RYR2: variants seen among roughly 807,000 people sequenced by gnomAD.
RYR2 encodes ryanodine receptor 2.
Under a neutral mutation model 601.1 loss-of-function variants are expected in RYR2, and 227 were observed. The observed-to-expected ratio is 0.38, with a 90% confidence interval of 0.34 to 0.42. The LOEUF (loss-of-function observed/expected upper bound fraction) is 0.42. Among genes scored for constraint, RYR2 ranks in the 10% least tolerant of loss-of-function variants. The pLI is 1.00. For missense variants in RYR2, 4,646 were observed against 6,156.5 expected (o/e 0.75, Z 8.21); for synonymous variants, 2,223 against 2,175.1 (o/e 1.02, Z -0.61).
At chr1:237,698,843 A>G in intron 63 of RYR2, 122 bp from the exon 64 acceptor site, 1 of 564,314 alleles carries the variant, frequency 1.8e-6, no homozygotes, top group Non-Finnish European at 3.1e-6. Context: ...TGATTATTAA[A>G]AAACCTTTTA....
chr1:237,469,125 C>G lies in RYR2; in HGVS notation c.1646C>G (p.Ala549Gly). ...ATTAGAGGAAATCGTAAAAACTGTG[C>G]TCAATTTTCTGGCTCCCTCGACTGG... is the stretch of plus-strand genomic sequence containing the variant. ...ALIRGNRKNC[A>G]QFSGSLDWLI... is the part of the protein sequence containing the mutation. The change falls in exon 17 of 105, where the codon GCT becomes GGT. Residue 549 changes from alanine (A) to glycine (G), a missense_variant. Ala to Gly is a moderately conservative substitution (Grantham distance 60). Coordinates refer to ENST00000366574, the MANE Select transcript of RYR2 (RefSeq NM_001035.3). 1 of 1,613,272 alleles carries G rather than the reference C, an allele frequency of 6.2e-7. No individual in the cohort carries two copies. Among genetic ancestry groups the G allele is most frequent in the Non-Finnish European group, 8.5e-7 (1 of 1,179,488 alleles).
intron 15 of RYR2, among the ~76,000 whole-genome samples, chr1:237,455,804 C>A (rs558719192): frequency 6.6e-6 from 1 of 152,140 alleles, no homozygotes; most frequent in Non-Finnish European, 1.5e-5. Flanking sequence ...CCAATAATAA[C>A]GTGGACTAGT....
intron 73 of RYR2, among the ~76,000 whole-genome samples, chr1:237,721,264 A>C (rs111581542): frequency 0.018 from 2,674 of 152,322 alleles, 30 homozygotes; most frequent in South Asian, 0.042. Flanking sequence ...CAGACTTAAA[A>C]AGTAAACGGA....
At chr1:237,660,309 T>A (rs1039663531) in intron 55 of RYR2, among the ~76,000 whole-genome samples, 2 of 152,128 alleles carry the variant, frequency 1.3e-5, no homozygotes, top group South Asian at 4.1e-4. Context: ...TTTCTTTTCC[T>A]TTTTGGTTTT....
At chr1:237,739,214 C>T (rs1446402257) in intron 79 of RYR2, among the ~76,000 whole-genome samples, 1 of 152,182 alleles carries the variant, frequency 6.6e-6, no homozygotes, top group Non-Finnish European at 1.5e-5. Flanking sequence ...TTTGAAAAAT[C>T]ATTTTACATC....
chr1:237,614,908 C>T lies in RYR2; in HGVS notation c.5715+65C>T, dbSNP rs1000894655. On this transcript the variant is annotated intron_variant, in intron 37 of 104. Transcript: ENST00000366574. This position sits in a 1 kb window ranked among gnomAD's most constrained non-coding sequence, Gnocchi z 4.3. ...TAAGCATTAAGGTATTAGAACATGCCTTTGTTTCTTTCTCTGTGTGTGTGT... is the reference window on the plus strand; with the variant it reads ...TAAGCATTAAGGTATTAGAACATGCTTTTGTTTCTTTCTCTGTGTGTGTGT... The T allele has an allele frequency of 1.4e-6, 2 of 1,434,994 alleles. No homozygotes were observed. Among genetic ancestry groups the T allele is most frequent in the Non-Finnish European group, 1.9e-6 (2 of 1,071,284 alleles). The allele number at this position is 1,434,994 out of a possible 1,614,324, so 88.9% of individuals were successfully genotyped here.
chr1:237,576,681 TTCCTTAAAGGAAGCAGA>T (rs1244244051), intron 29 of RYR2, among the ~76,000 whole-genome samples: 1 of 152,104 alleles, frequency 6.6e-6, no homozygotes, highest in Non-Finnish European at 1.5e-5. Context: ...AATGTTCTGC[TTCCTTAAAGGAAGCAGA>T]AAAACAGTCA....
At chr1:237,522,107 C>T (rs1198533927) in intron 24 of RYR2, among the ~76,000 whole-genome samples, 1 of 152,062 alleles carries the variant, frequency 6.6e-6, no homozygotes, top group East Asian at 1.9e-4. Flanking sequence ...TCTCCTAATG[C>T]TATCCCTCCC....
intron 34 of RYR2, among the ~76,000 whole-genome samples, chr1:237,597,005 C>T (rs1675964018): frequency 6.6e-6 from 1 of 152,132 alleles, no homozygotes; most frequent in Non-Finnish European, 1.5e-5. Context: ...ATGCGTAAGG[C>T]AGTGCTAAAG....
At chr1:237,771,448 CAT>C (rs1358250984) in intron 85 of RYR2, among the ~76,000 whole-genome samples, 1 of 151,540 alleles carries the variant, frequency 6.6e-6, no homozygotes, top group Non-Finnish European at 1.5e-5. Context: ...TTATGAAAAA[CAT>C]ATAAATAGTT....
At chr1:237,608,796 G>GTTTTTTTTTTT (rs33945891) in intron 35 of RYR2, among the ~76,000 whole-genome samples, 1 of 119,222 alleles carries the variant, frequency 8.4e-6, no homozygotes, top group Non-Finnish European at 1.7e-5. Context: ...AGACTGACCT[G>GTTTTTTTTTTT]TTTTTTTTTT....
intron 79 of RYR2, among the ~76,000 whole-genome samples, chr1:237,735,037 G>A (rs1691019498): frequency 6.6e-6 from 1 of 152,126 alleles, no homozygotes; most frequent in African/African-American, 2.4e-5. Flanking sequence ...TAAAAAAGTT[G>A]GAGAGAACCT....
intron 58 of RYR2, among the ~76,000 whole-genome samples, chr1:237,669,850 G>A (rs539825668): frequency 4.6e-5 from 7 of 151,968 alleles, no homozygotes; most frequent in South Asian, 2.1e-4. Context: ...GATGATGGGC[G>A]GCCAGGCAGA....
At chr1:237,262,639 A>G (rs930199506) in intron 1 of RYR2, among the ~76,000 whole-genome samples, 1 of 152,228 alleles carries the variant, frequency 6.6e-6, no homozygotes, top group Non-Finnish European at 1.5e-5. Flanking sequence ...ACAGTTGTCT[A>G]AAATGGATAA....
intron 58 of RYR2, among the ~76,000 whole-genome samples, chr1:237,668,516 A>G (rs1200537184): frequency 6.6e-6 from 1 of 152,200 alleles, no homozygotes; most frequent in Non-Finnish European, 1.5e-5. Flanking sequence ...TAGTCTATAC[A>G]CATATTGTTT....
intron 27 of RYR2, among the ~76,000 whole-genome samples, chr1:237,554,051 A>G (rs1399203642): frequency 6.6e-6 from 1 of 151,918 alleles, no homozygotes; most frequent in Non-Finnish European, 1.5e-5. Context: ...ACTATTGAAT[A>G]GAAATGGTAA....
intron 27 of RYR2, among the ~76,000 whole-genome samples, chr1:237,562,428 A>G (rs1438793600): frequency 6.6e-6 from 1 of 152,100 alleles, no homozygotes; most frequent in Non-Finnish European, 1.5e-5. Context: ...AGTGGCATAT[A>G]TTTTCTTAGC....
At chr1:237,783,132 A>T (rs572564218) in intron 89 of RYR2, among the ~76,000 whole-genome samples, 47 of 152,292 alleles carry the variant, frequency 3.1e-4, no homozygotes, top group Non-Finnish European at 6.2e-4. Context: ...AAAAGCGTAC[A>T]GTTTGCTCTC....
chr1:237,189,090 T>G (rs1407952176), intron 1 of RYR2, among the ~76,000 whole-genome samples: 3 of 152,166 alleles, frequency 2.0e-5, no homozygotes, highest in Middle Eastern at 3.2e-3. Context: ...CTTTCTACTT[T>G]GTTTCTGTGA....
Sources: allele counts gnomAD v4.1 joint callset (sites outside exome capture counted in the v4.1 genomes callset), GRCh38; gene constraint gnomAD v4.1.1; non-coding constraint Gnocchi (gnomAD v3.1); transcripts MANE v1.5; gene names NCBI Gene and HGNC (gene_info 2026-07-23, HGNC 2026-07-21).